AKAP19: variants seen among roughly 807,000 people sequenced by gnomAD.
AKAP19 encodes small A-kinase anchoring protein.
chr2:190,190,739 G>A, the AKAP19 span, among the ~76,000 whole-genome samples: 1 of 152,122 alleles, frequency 6.6e-6, no homozygotes, highest in Admixed American at 6.5e-5. Flanking sequence ...CAATCTTAGT[G>A]TGGGTAATTA....
chr2:190,142,477 C>G, the AKAP19 span, among the ~76,000 whole-genome samples: 1 of 152,174 alleles, frequency 6.6e-6, no homozygotes, highest in Non-Finnish European at 1.5e-5. Flanking sequence ...ACTCTTGCCA[C>G]CACTCTTTGA....
the AKAP19 span, chr2:190,055,581 T>C: frequency 6.6e-6 from 1 of 152,228 alleles, no homozygotes; most frequent in Non-Finnish European, 1.5e-5. Flanking sequence ...ATTTAACTCC[T>C]GAGAACCGGA....
At chr2:190,175,948 T>C in the AKAP19 span, among the ~76,000 whole-genome samples, 3 of 152,214 alleles carry the variant, frequency 2.0e-5, no homozygotes, top group Non-Finnish European at 2.9e-5. Flanking sequence ...ACGAGGCTTC[T>C]TGTGGCATTT....
At chr2:190,009,226 T>C in the AKAP19 span, among the ~76,000 whole-genome samples, 5 of 152,136 alleles carry the variant, frequency 3.3e-5, no homozygotes, top group African/African-American at 1.2e-4. Context: ...CTAAAGTGGA[T>C]GGCCATTAGA....
the AKAP19 span, among the ~76,000 whole-genome samples, chr2:190,078,321 T>A: frequency 6.6e-6 from 1 of 152,220 alleles, no homozygotes; most frequent in Non-Finnish European, 1.5e-5. Flanking sequence ...AAGTTGTTTC[T>A]TATATTTTAC....
At chr2:190,004,973 C>G in the AKAP19 span, among the ~76,000 whole-genome samples, 3 of 152,182 alleles carry the variant, frequency 2.0e-5, no homozygotes, top group Non-Finnish European at 2.9e-5. Flanking sequence ...AACAATTAAG[C>G]CACGGACCCT....
chr2:190,123,090 G>A, the AKAP19 span, among the ~76,000 whole-genome samples: 10 of 152,092 alleles, frequency 6.6e-5, no homozygotes, highest in African/African-American at 9.7e-5. Flanking sequence ...GGGATTACTA[G>A]CATGAGCCCC....
the AKAP19 span, among the ~76,000 whole-genome samples, chr2:189,991,759 G>C: frequency 6.6e-6 from 1 of 152,086 alleles, no homozygotes; most frequent in Non-Finnish European, 1.5e-5. Context: ...TCTTGGTCAT[G>C]AATTCTTTGC....
At chr2:189,995,078 C>T in the AKAP19 span, among the ~76,000 whole-genome samples, 1 of 152,176 alleles carries the variant, frequency 6.6e-6, no homozygotes, top group South Asian at 2.1e-4. Context: ...CCAGTTTCTG[C>T]TGAAAATAAT....
the AKAP19 span, among the ~76,000 whole-genome samples, chr2:190,015,378 A>G: frequency 6.6e-6 from 1 of 152,164 alleles, no homozygotes; most frequent in Non-Finnish European, 1.5e-5. Flanking sequence ...CTCTGAAACA[A>G]CAGCCTCAGC....
chr2:190,038,088 A>G, the AKAP19 span, among the ~76,000 whole-genome samples: 3 of 152,190 alleles, frequency 2.0e-5, no homozygotes, highest in African/African-American at 7.2e-5. Flanking sequence ...TTTTAAGGGC[A>G]GTATATTCTT....
chr2:189,996,569 T>C, the AKAP19 span, among the ~76,000 whole-genome samples: 1 of 152,328 alleles, frequency 6.6e-6, no homozygotes, highest in African/African-American at 2.4e-5. Flanking sequence ...AGTTAATAAT[T>C]AACCCTCTGA....
At chr2:190,199,947 G>A in the AKAP19 span, 1 of 1,614,114 alleles carries the variant, frequency 6.2e-7, no homozygotes, top group Non-Finnish European at 8.5e-7. Flanking sequence ...AACCCTTTAT[G>A]CCAGAAGAGA....
At chr2:190,034,591 C>T in the AKAP19 span, among the ~76,000 whole-genome samples, 3 of 142,194 alleles carry the variant, frequency 2.1e-5, no homozygotes, top group Admixed American at 2.2e-4. Context: ...ACGCCTGTAA[C>T]CCCAGAACTT....
chr2:190,035,195 C>T, the AKAP19 span, among the ~76,000 whole-genome samples: 1 of 152,130 alleles, frequency 6.6e-6, no homozygotes, highest in African/African-American at 2.4e-5. Context: ...AATCCCAGCA[C>T]TTTGGGAGGC....
the AKAP19 span, among the ~76,000 whole-genome samples, chr2:190,184,850 CAT>C: frequency 2.0e-5 from 3 of 152,198 alleles, no homozygotes; most frequent in South Asian, 6.2e-4. Flanking sequence ...AAATTAAGTC[CAT>C]TGGGTAAAAA....
chr2:190,102,174 G>T, the AKAP19 span, among the ~76,000 whole-genome samples: 7 of 152,148 alleles, frequency 4.6e-5, no homozygotes, highest in African/African-American at 1.7e-4. Context: ...AAATCTCTGG[G>T]ATGCAGCAAA....
At chr2:190,013,226 A>C in the AKAP19 span, among the ~76,000 whole-genome samples, 2 of 152,198 alleles carry the variant, frequency 1.3e-5, no homozygotes, top group Non-Finnish European at 2.9e-5. Flanking sequence ...TTCATCCATG[A>C]AGCCATTGGG....
At chr2:190,127,315 C>A in the AKAP19 span, among the ~76,000 whole-genome samples, 1 of 151,912 alleles carries the variant, frequency 6.6e-6, no homozygotes, top group East Asian at 1.9e-4. Context: ...CTGACTCTAG[C>A]TTTCTAGGAT....
Sources: allele counts gnomAD v4.1 joint callset (sites outside exome capture counted in the v4.1 genomes callset), GRCh38; gene constraint gnomAD v4.1.1; transcripts MANE v1.5; gene names NCBI Gene and HGNC (gene_info 2026-07-23, HGNC 2026-07-21).